YES1: variants seen among roughly 807,000 people sequenced by gnomAD.
The protein encoded by YES1 is tyrosine-protein kinase Yes.
A neutral mutation model predicts 70.4 loss-of-function variants in YES1; 39 were observed. The observed-to-expected ratio is 0.55, with a 90% CI of 0.43 to 0.72. The LOEUF is 0.72. Among genes scored for constraint, YES1 ranks in the 30% least tolerant of loss-of-function variants. YES1 has a pLI of 0.00. For synonymous variants in YES1, 198 were observed against 218.6 expected, an observed-to-expected ratio of 0.91 and a Z score of 0.83; for missense variants, 495 against 644.8, an observed-to-expected ratio of 0.77 and a Z score of 2.52.
At chr18:764,926 G>A (rs868209336) in intron 1 of YES1, among the ~76,000 whole-genome samples, 66 of 151,530 alleles carry the variant, frequency 4.4e-4, no homozygotes, top group African/African-American at 1.5e-3. Flanking sequence ...AGTAGAGACC[G>A]GGTTTCACTA....
chr18:782,517 T>C (rs1462548561), intron 1 of YES1, among the ~76,000 whole-genome samples: 2 of 152,168 alleles, frequency 1.3e-5, no homozygotes, highest in African/African-American at 4.8e-5. Context: ...ATCTACTCAG[T>C]AAAGGCTATT....
intron 1 of YES1, among the ~76,000 whole-genome samples, chr18:769,324 T>C (rs1905056198): frequency 6.6e-6 from 1 of 152,230 alleles, no homozygotes; most frequent in Non-Finnish European, 1.5e-5. Context: ...TGATTTCTAG[T>C]ACTTTTATAG....
chr18:804,487 TA>T (rs1206150363), intron 1 of YES1, among the ~76,000 whole-genome samples: 4 of 150,216 alleles, frequency 2.7e-5, no homozygotes, highest in African/African-American at 4.9e-5. Flanking sequence ...CACACACCTG[TA>T]ATCCCAGCTA....
At chr18:800,873 T>C (rs748718591) in intron 1 of YES1, among the ~76,000 whole-genome samples, 11 of 151,928 alleles carry the variant, frequency 7.2e-5, no homozygotes, top group Admixed American at 5.2e-4. Flanking sequence ...AAAGGCTGGG[T>C]GTGGTGGCTC....
intron 1 of YES1, among the ~76,000 whole-genome samples, chr18:792,826 AAAG>A (rs1486383140): frequency 1.2e-4 from 18 of 149,740 alleles, no homozygotes; most frequent in African/African-American, 4.5e-4. Flanking sequence ...AAAGAAAGAA[AAAG>A]AAGAAAAGTT....
At chr18:740,046 C>G (rs1258011635) in intron 8 of YES1, among the ~76,000 whole-genome samples, 5 of 152,132 alleles carry the variant, frequency 3.3e-5, no homozygotes, top group Non-Finnish European at 7.3e-5. Flanking sequence ...TTAACTTTAC[C>G]TGACAAGAGG....
chr18:783,831 C>T (rs1905802912), intron 1 of YES1, among the ~76,000 whole-genome samples: 1 of 152,154 alleles, frequency 6.6e-6, no homozygotes, highest in Non-Finnish European at 1.5e-5. Flanking sequence ...CCAGGCTAGT[C>T]TTGAACGCCT....
intron 1 of YES1, among the ~76,000 whole-genome samples, chr18:786,502 C>CACAT (rs1423340587): frequency 2.1e-5 from 3 of 141,466 alleles, no homozygotes; most frequent in Non-Finnish European, 4.5e-5. Flanking sequence ...TCCATACACA[C>CACAT]ACACACACAC....
chr18:806,714 T>G (rs1192816881), intron 1 of YES1, among the ~76,000 whole-genome samples: 1 of 152,208 alleles, frequency 6.6e-6, no homozygotes, highest in African/African-American at 2.4e-5. Context: ...TGTTTTGACA[T>G]AAGTGTTTTG....
intron 1 of YES1, among the ~76,000 whole-genome samples, chr18:809,974 G>C (rs946638824): frequency 6.7e-6 from 1 of 148,912 alleles, no homozygotes; most frequent in Non-Finnish European, 1.5e-5. Flanking sequence ...GGTATTCTAT[G>C]CTTCTATTTT....
intron 1 of YES1, among the ~76,000 whole-genome samples, chr18:772,105 G>A (rs1035064966): frequency 4.7e-5 from 7 of 149,784 alleles, no homozygotes; most frequent in African/African-American, 1.2e-4. Flanking sequence ...CTCGGCTCAC[G>A]GCAACCTCTG....
intron 1 of YES1, among the ~76,000 whole-genome samples, chr18:805,041 A>ATATC (rs1479501021): frequency 6.6e-6 from 1 of 152,096 alleles, no homozygotes; most frequent in Non-Finnish European, 1.5e-5. Context: ...ATCTTTACTT[A>ATATC]TATCTAATGT....
chr18:774,850 A>G (rs1289140639), intron 1 of YES1, among the ~76,000 whole-genome samples: 3 of 152,174 alleles, frequency 2.0e-5, no homozygotes, highest in African/African-American at 7.2e-5. Context: ...AGTTCCTACT[A>G]TGGCCTTCAA....
intron 11 of YES1, among the ~76,000 whole-genome samples, chr18:724,916 T>C (rs981881931): frequency 6.6e-6 from 1 of 152,186 alleles, no homozygotes; most frequent in Non-Finnish European, 1.5e-5. Context: ...TTTAGGGTGC[T>C]ACTATGAGGT....
At chr18:785,181 T>C (rs1382852054) in intron 1 of YES1, among the ~76,000 whole-genome samples, 12 of 151,996 alleles carry the variant, frequency 7.9e-5, no homozygotes, top group African/African-American at 2.7e-4. Flanking sequence ...TCATCAGCTA[T>C]TGTTAGTTTT....
chr18:775,265 G>A (rs1414038175), intron 1 of YES1: 1 of 152,134 alleles, frequency 6.6e-6, no homozygotes, highest in East Asian at 1.9e-4. Flanking sequence ...CTCTTCCACA[G>A]CATGTAAATG....
chr18:737,652 A>G (rs1257458356), intron 9 of YES1, among the ~76,000 whole-genome samples: 1 of 152,198 alleles, frequency 6.6e-6, no homozygotes, highest in Non-Finnish European at 1.5e-5. Flanking sequence ...TTCCCAAACT[A>G]CAGCTTGTAG....
chr18:740,858 T>A (rs1345435062), intron 8 of YES1, among the ~76,000 whole-genome samples: 1 of 152,180 alleles, frequency 6.6e-6, no homozygotes. Flanking sequence ...TAGCCTTACC[T>A]TCATTATATT....
intron 1 of YES1, among the ~76,000 whole-genome samples, chr18:789,763 T>C (rs1037635033): frequency 2.0e-5 from 3 of 149,974 alleles, no homozygotes; most frequent in Admixed American, 2.0e-4. Flanking sequence ...GAATTTACAA[T>C]CTAAAAAAAA....
Sources: allele counts gnomAD v4.1 joint callset (sites outside exome capture counted in the v4.1 genomes callset), GRCh38; gene constraint gnomAD v4.1.1; transcripts MANE v1.5; gene names NCBI Gene and HGNC (gene_info 2026-07-23, HGNC 2026-07-21).